The following RELN variants were observed in gnomAD, a reference collection of about 807,000 sequenced individuals.
The protein encoded by RELN is reelin.
RELN carries 108 observed loss-of-function variants against 427.6 expected under a neutral mutation model. The observed-to-expected ratio is 0.25, with a 90% CI of 0.22 to 0.30. RELN has a LOEUF of 0.30. Among genes scored for constraint, RELN ranks in the 10% least tolerant of loss-of-function variants. The pLI, the probability that RELN is intolerant of heterozygous loss-of-function variation, is 1.00. For missense variants in RELN, 3,715 were observed against 4,302.8 expected (o/e 0.86, Z 3.82); for synonymous variants, 1,524 against 1,513.4 (o/e 1.01, Z -0.16).
intron 16 of RELN, among the ~76,000 whole-genome samples, chr7:103,643,952 C>A (rs528855041): frequency 6.6e-6 from 1 of 151,912 alleles, no homozygotes; most frequent in African/African-American, 2.4e-5. Context: ...CCTCTTCATG[C>A]CCAGTACATC....
chr7:103,801,061 C>T lies in RELN; in HGVS notation c.474-24434G>A, dbSNP rs980253133. Among the ~76,000 whole-genome samples, 3 of 152,112 alleles carry T rather than the reference C, an allele frequency of 2.0e-5. No individual in the cohort carries two copies. In the East Asian group the frequency reaches 5.8e-4, roughly 29 times the overall value. ...ATCTTACACCAGTTAGAATGGTGGT[C>T]ACTAAAAAGTCAGGAAACAAGAGAT... On this transcript the variant is annotated intron_variant, in intron 3 of 64. Transcript: ENST00000428762.
chr7:103,891,201 T>C (rs1342970450), intron 2 of RELN, among the ~76,000 whole-genome samples: 1 of 152,202 alleles, frequency 6.6e-6, no homozygotes, highest in African/African-American at 2.4e-5. Context: ...TAAAAAGTCT[T>C]CCTCACCCAT....
intron 1 of RELN, among the ~76,000 whole-genome samples, chr7:103,923,791 C>G (rs540331700): frequency 5.9e-5 from 9 of 152,070 alleles, no homozygotes; most frequent in Non-Finnish European, 1.2e-4. Flanking sequence ...TTCCAAAAGG[C>G]TTTAGATGGC....
intron 16 of RELN, among the ~76,000 whole-genome samples, chr7:103,647,308 T>G (rs995361210): frequency 2.0e-5 from 3 of 151,710 alleles, no homozygotes; most frequent in African/African-American, 7.3e-5. Flanking sequence ...ACCTAAAAAA[T>G]CCTAAAAAAT....
chr7:103,484,332 G>A (rs1045524190), intron 61 of RELN: 7 of 187,146 alleles, frequency 3.7e-5, no homozygotes, highest in East Asian at 1.3e-4. Context: ...TTCTAGCAGG[G>A]GAGCGTAGCT....
chr7:103,474,020 A>G (rs1029427636), intron 64 of RELN, among the ~76,000 whole-genome samples: 2 of 152,168 alleles, frequency 1.3e-5, no homozygotes, highest in African/African-American at 4.8e-5. Flanking sequence ...GGGAAAGGGT[A>G]ATTTTGTTCT....
rs565775411 is a variant in RELN, at chr7:103,587,132, C to A, written c.4145+2464G>T. On this transcript the variant is annotated intron_variant, in intron 28 of 64. Coordinates refer to ENST00000428762, the MANE Select transcript of RELN (RefSeq NM_005045.4). ...TCACCTTACCTGACTTCAAATTATG[C>A]TACAAAGCAATAGTAAGCAAAACAC... Among the ~76,000 whole-genome samples the A allele has an allele frequency of 7.2e-5, 11 of 152,250 alleles. No homozygotes were observed. In the South Asian group the frequency reaches 2.1e-3, roughly 29 times the overall value.
chr7:103,870,364 T>C (rs1417559590), intron 2 of RELN, among the ~76,000 whole-genome samples: 1 of 151,370 alleles, frequency 6.6e-6, no homozygotes, highest in African/African-American at 2.4e-5. Flanking sequence ...TTCTGAAGAG[T>C]TTTGATTACT....
Position 103,643,161 on chromosome 7 carries a change from T to G in RELN, c.2003-2552A>C, listed in dbSNP as rs144618860. Among the ~76,000 whole-genome samples the G allele has an allele frequency of 3.5e-3, 533 of 152,210 alleles. 8 individuals carry two copies. Among genetic ancestry groups the G allele is most frequent in the Admixed American group, 0.026 (395 of 15,256 alleles). ...AAAAATAACAGACCTGATTAAGACA[T>G]GGAAAATCAACATTAAACAAGGGTG... On this transcript the variant is annotated intron_variant, in intron 16 of 64. Transcript: ENST00000428762.
At chr7:103,835,570 G>C (rs1193747930) in intron 2 of RELN, among the ~76,000 whole-genome samples, 3 of 152,136 alleles carry the variant, frequency 2.0e-5, no homozygotes, top group African/African-American at 7.2e-5. Context: ...TGGCAACTCT[G>C]TGCTTTTTAT....
chr7:103,713,660 C>CT lies in RELN; in HGVS notation c.805+9479dup, dbSNP rs60124892. Among the ~76,000 whole-genome samples the CT allele has an allele frequency of 3.3e-3, 476 of 143,666 alleles. 1 individual carries two copies. Among genetic ancestry groups the CT allele is most frequent in the South Asian group, 0.023 (105 of 4,508 alleles). The allele number at this position is 143,666 out of a possible 152,430, so 94.3% of individuals were successfully genotyped here. ...ATAATAAGCAGTTCTGGCATTTATC[C>CT]TTTTTTTTTTTTTTTGAAGGTAAGA... is the stretch of plus-strand genomic sequence containing the variant. On this transcript the variant is annotated intron_variant, in intron 8 of 64. Coordinates refer to ENST00000428762, the MANE Select transcript of RELN (RefSeq NM_005045.4).
In RELN at chr7:103,631,318, G is replaced by C. The variant is rs535407406; in HGVS notation, c.2466-1142C>G. On this transcript the variant is annotated intron_variant, in intron 19 of 64. Coordinates refer to ENST00000428762, the MANE Select transcript of RELN (RefSeq NM_005045.4). Reference sequence around the variant, plus strand: ...TTTTTTTTTTTTTTTTTTTGAGATGGAGTCTTGCGCTGTTGCCCAGGCTGG... The same window carrying C: ...TTTTTTTTTTTTTTTTTTTGAGATGCAGTCTTGCGCTGTTGCCCAGGCTGG... 6.2e-5 allele frequency among the ~76,000 whole-genome samples: 5 copies of C among 80,024 alleles called. No individual in the cohort carries two copies. The South Asian group carries it at 2.2e-3, about 36-fold the overall frequency. The allele number at this position is 80,024 out of a possible 152,430, so 52.5% of individuals were successfully genotyped here. A position where few individuals can be genotyped will look rare whatever the true frequency, so the allele number is the denominator to read the frequency against.
chr7:103,851,190 T>C (rs2116463542), intron 2 of RELN, among the ~76,000 whole-genome samples: 1 of 152,290 alleles, frequency 6.6e-6, no homozygotes, highest in Middle Eastern at 3.4e-3. Flanking sequence ...TGCAGTGACC[T>C]GGGTGAGGTT....
intron 16 of RELN, among the ~76,000 whole-genome samples, chr7:103,646,468 G>A (rs868671281): frequency 4.6e-5 from 7 of 151,920 alleles, no homozygotes; most frequent in Non-Finnish European, 7.4e-5. Context: ...AAATACAGGA[G>A]ATAATCAGTG....
At chr7:103,896,291 G>C (rs747187749) in intron 2 of RELN, among the ~76,000 whole-genome samples, 28 of 152,024 alleles carry the variant, frequency 1.8e-4, no homozygotes, top group Non-Finnish European at 4.0e-4. Flanking sequence ...ACAAAACCCA[G>C]CAACGCCACT....
chr7:103,985,231 T>A (rs963230451), intron 1 of RELN, among the ~76,000 whole-genome samples: 7 of 151,868 alleles, frequency 4.6e-5, no homozygotes, highest in African/African-American at 1.5e-4. Flanking sequence ...TACAGTAAAA[T>A]CCCCCTTTTA....
At chr7:103,637,826 C>T (rs933048475) in intron 17 of RELN, among the ~76,000 whole-genome samples, 1 of 152,072 alleles carries the variant, frequency 6.6e-6, no homozygotes, top group Admixed American at 6.6e-5. Context: ...ACCACAGTCA[C>T]GAATTGGAAT....
At chr7:103,761,839 T>A (rs905884962) in intron 4 of RELN, among the ~76,000 whole-genome samples, 1 of 152,186 alleles carries the variant, frequency 6.6e-6, no homozygotes, top group South Asian at 2.1e-4. Context: ...ATGAAGTTCA[T>A]AGATGGAGCA....
chr7:103,950,120 G>C (rs1314535362), intron 1 of RELN, among the ~76,000 whole-genome samples: 1 of 152,134 alleles, frequency 6.6e-6, no homozygotes, highest in Non-Finnish European at 1.5e-5. Flanking sequence ...TTCTCACTGT[G>C]TCCTAACATG....
Sources: allele counts gnomAD v4.1 joint callset (sites outside exome capture counted in the v4.1 genomes callset), GRCh38; gene constraint gnomAD v4.1.1; transcripts MANE v1.5; gene names NCBI Gene and HGNC (gene_info 2026-07-23, HGNC 2026-07-21).